Variants in GRID2 observed in about 807,000 individuals in gnomAD.
GRID2 encodes the protein glutamate receptor ionotropic, delta-2.
Under a neutral mutation model 114.8 loss-of-function variants are expected in GRID2, and 33 were observed. The observed-to-expected ratio is 0.29, with a 90% CI of 0.22 to 0.38. The LOEUF (loss-of-function observed/expected upper bound fraction) is 0.38. Among genes scored for constraint, GRID2 ranks in the 10% least tolerant of loss-of-function variants. The pLI, the probability that GRID2 is intolerant of heterozygous loss-of-function variation, is 1.00. For synonymous variants in GRID2, 505 were observed against 449.9 expected (o/e 1.12, Z -1.55); for missense variants, 1,184 against 1,257.7 (o/e 0.94, Z 0.89).
chr4:93,098,989 CTGTGTGTGTGTG>C (rs71579585), intron 3 of GRID2, among the ~76,000 whole-genome samples: 41 of 138,980 alleles, frequency 3.0e-4, no homozygotes, highest in East Asian at 6.5e-4. Flanking sequence ...AGATCATTTC[CTGTGTGTGTGTG>C]TGTGTGTGTG....
chr4:93,691,935 A>T lies in GRID2; in HGVS notation c.2360+65500A>T, dbSNP rs1295171996. Among the ~76,000 whole-genome samples, 5 of 152,028 alleles carry T rather than the reference A, an allele frequency of 3.3e-5. No homozygotes were observed. In the East Asian group the frequency reaches 9.7e-4, roughly 29 times the overall value. On this transcript the variant is annotated intron_variant, in intron 14 of 15. Transcript: ENST00000282020. ...ATGTAAACAGTGTGTGTGTGTATGTATGTGTGATTATAATAGTCCTAACCA... is the reference window on the plus strand; with the variant it reads ...ATGTAAACAGTGTGTGTGTGTATGTTTGTGTGATTATAATAGTCCTAACCA...
At chr4:93,637,360 G>C (rs1721502654) in intron 14 of GRID2, among the ~76,000 whole-genome samples, 1 of 152,082 alleles carries the variant, frequency 6.6e-6, no homozygotes, top group Non-Finnish European at 1.5e-5. Context: ...GAAATGATTT[G>C]AAATTTTCCA....
chr4:93,617,215 T>G (rs1741769071), intron 13 of GRID2, among the ~76,000 whole-genome samples: 1 of 152,172 alleles, frequency 6.6e-6, no homozygotes, highest in Non-Finnish European at 1.5e-5. Context: ...ACGGCACATT[T>G]TATTTGAAAC....
intron 2 of GRID2, among the ~76,000 whole-genome samples, chr4:92,840,097 G>T (rs1340619875): frequency 6.6e-6 from 1 of 151,738 alleles, no homozygotes; most frequent in Non-Finnish European, 1.5e-5. Flanking sequence ...CTTCTTATAG[G>T]TTTTGTCTTG....
At chr4:92,424,851 C>G (rs1732079863) in intron 1 of GRID2, among the ~76,000 whole-genome samples, 1 of 151,566 alleles carries the variant, frequency 6.6e-6, no homozygotes, top group Non-Finnish European at 1.5e-5. Flanking sequence ...TCTGATTAAA[C>G]AAAAATTCAA....
chr4:93,299,460 G>C (rs909282386), intron 8 of GRID2, among the ~76,000 whole-genome samples: 1 of 146,788 alleles, frequency 6.8e-6, no homozygotes, highest in Non-Finnish European at 1.5e-5. Context: ...AGTGATCTCC[G>C]TTTAATTATC....
intron 14 of GRID2, among the ~76,000 whole-genome samples, chr4:93,688,977 G>C (rs529617368): frequency 1.2e-3 from 177 of 152,094 alleles, no homozygotes; most frequent in African/African-American, 4.2e-3. Context: ...TGTATTTAAA[G>C]ACGGGGTTTT....
At chr4:92,776,622 C>G (rs961374524) in intron 2 of GRID2, among the ~76,000 whole-genome samples, 2 of 151,864 alleles carry the variant, frequency 1.3e-5, no homozygotes, top group Non-Finnish European at 2.9e-5. Flanking sequence ...AAAGATCTAC[C>G]AAGAAAGTAA....
chr4:92,948,490 T>A (rs1388883919), intron 2 of GRID2, among the ~76,000 whole-genome samples: 1 of 151,866 alleles, frequency 6.6e-6, no homozygotes, highest in African/African-American at 2.4e-5. Context: ...TTTACAGACA[T>A]TTCTCTTTCT....
At chr4:92,306,948 C>A (rs1382385787) in intron 1 of GRID2, among the ~76,000 whole-genome samples, 1 of 151,896 alleles carries the variant, frequency 6.6e-6, no homozygotes, top group Admixed American at 6.6e-5. Flanking sequence ...TTATAGACTA[C>A]CTAATATTGT....
chr4:92,781,450 A>G (rs1437559563), intron 2 of GRID2, among the ~76,000 whole-genome samples: 2 of 152,116 alleles, frequency 1.3e-5, no homozygotes, highest in Non-Finnish European at 2.9e-5. Context: ...TTCCCATGCA[A>G]TATAAACTTA....
chr4:93,129,544 C>A lies in GRID2; in HGVS notation c.735+18591C>A, dbSNP rs998766826. The stretch of plus-strand genomic sequence containing the variant: ...GCTACTAGGGGAAAATTCATCCTCA[C>A]ACTCTGCTGTTGCCAATATCACAAT... On this transcript the variant is annotated intron_variant, in intron 4 of 15. Transcript: ENST00000282020. Among the ~76,000 whole-genome samples the A allele has an allele frequency of 2.0e-5, 3 of 152,106 alleles. No individual in the cohort carries two copies. The East Asian group carries it at 5.8e-4, about 29-fold the overall frequency.
chr4:93,621,864 C>T (rs1020561720), intron 13 of GRID2, among the ~76,000 whole-genome samples: 2 of 152,112 alleles, frequency 1.3e-5, no homozygotes, highest in Non-Finnish European at 2.9e-5. Context: ...TTCTTTGGAA[C>T]ATTAGTATTG....
chr4:92,762,179 C>T (rs1281521229), intron 2 of GRID2, among the ~76,000 whole-genome samples: 1 of 152,112 alleles, frequency 6.6e-6, no homozygotes, highest in Admixed American at 6.6e-5. Context: ...TCCCAAAGTG[C>T]TGAGATTACA....
intron 1 of GRID2, among the ~76,000 whole-genome samples, chr4:92,409,309 C>A (rs964592999): frequency 1.3e-5 from 2 of 151,980 alleles, no homozygotes; most frequent in South Asian, 2.1e-4. Context: ...TACAGAGTTA[C>A]CATTTTAGGT....
intron 11 of GRID2, among the ~76,000 whole-genome samples, chr4:93,456,328 G>A (rs1035328413): frequency 2.2e-4 from 33 of 152,154 alleles, no homozygotes; most frequent in African/African-American, 7.7e-4. Context: ...TACCAGAGAA[G>A]GTACTATTTA....
intron 1 of GRID2, among the ~76,000 whole-genome samples, chr4:92,562,524 T>C (rs1727143598): frequency 6.6e-6 from 1 of 152,214 alleles, no homozygotes. Context: ...GGATAAATTA[T>C]ATTCCAAGTA....
At chr4:93,038,044 T>C (rs943472151) in intron 2 of GRID2, among the ~76,000 whole-genome samples, 3 of 152,222 alleles carry the variant, frequency 2.0e-5, no homozygotes, top group Non-Finnish European at 4.4e-5. Flanking sequence ...TAAATTATTT[T>C]GGGCAGTATG....
chr4:92,457,085 C>T (rs1362003037), intron 1 of GRID2, among the ~76,000 whole-genome samples: 2 of 152,108 alleles, frequency 1.3e-5, no homozygotes, highest in Non-Finnish European at 2.9e-5. Context: ...TCTAGATATT[C>T]TAGGTTTTCT....
Sources: allele counts gnomAD v4.1 joint callset (sites outside exome capture counted in the v4.1 genomes callset), GRCh38; gene constraint gnomAD v4.1.1; transcripts MANE v1.5; gene names NCBI Gene and HGNC (gene_info 2026-07-23, HGNC 2026-07-21).